Variants in RBFOX1 observed in about 807,000 individuals in gnomAD.
The protein encoded by RBFOX1 is RNA binding protein fox-1 homolog 1.
A neutral mutation model predicts 57.7 loss-of-function variants in RBFOX1; 8 were observed. The observed-to-expected ratio is 0.14, with a 90% confidence interval of 0.08 to 0.25. RBFOX1 has a LOEUF of 0.25. Among genes scored for constraint, RBFOX1 ranks in the 10% least tolerant of loss-of-function variants. The pLI, the probability that RBFOX1 is intolerant of heterozygous loss-of-function variation, is 1.00. For synonymous variants in RBFOX1, 326 were observed against 222.4 expected, an observed-to-expected ratio of 1.47 and a Z score of -4.15; for missense variants, 611 against 548.5, an observed-to-expected ratio of 1.11 and a Z score of -1.14.
chr16:7,064,341 G>T (rs989537922), intron 4 of RBFOX1, among the ~76,000 whole-genome samples: 5 of 151,854 alleles, frequency 3.3e-5, no homozygotes, highest in Non-Finnish European at 5.9e-5. Flanking sequence ...GCTAATTTTT[G>T]TATTTTTAGT....
At chr16:6,574,262 C>G (rs1045390837) in intron 2 of RBFOX1, among the ~76,000 whole-genome samples, 1 of 151,894 alleles carries the variant, frequency 6.6e-6, no homozygotes, top group Non-Finnish European at 1.5e-5. Context: ...AGGTAACACA[C>G]GTTGTTCATG....
At chr16:5,312,396 G>A (rs777599619) in intron 1 of RBFOX1, among the ~76,000 whole-genome samples, 27 of 152,160 alleles carry the variant, frequency 1.8e-4, no homozygotes, top group Non-Finnish European at 3.2e-4. Context: ...GTGGCTCACT[G>A]CCACCTCTGC....
chr16:7,384,661 A>G (rs889542493), intron 4 of RBFOX1, among the ~76,000 whole-genome samples: 1 of 152,148 alleles, frequency 6.6e-6, no homozygotes, highest in Non-Finnish European at 1.5e-5. Context: ...GAGAGAATAT[A>G]AGGTAAATAA....
chr16:7,336,625 A>G (rs2096793471), intron 4 of RBFOX1, among the ~76,000 whole-genome samples: 1 of 152,230 alleles, frequency 6.6e-6, no homozygotes. Flanking sequence ...GACTATAATG[A>G]AGTCAGAGGG....
chr16:5,589,831 G>T (rs550442411), intron 2 of RBFOX1, among the ~76,000 whole-genome samples: 2 of 152,274 alleles, frequency 1.3e-5, no homozygotes, highest in African/African-American at 4.8e-5. Context: ...GTGACCCCCA[G>T]TGCAGCTCTC....
At chr16:7,604,542 GC>G (rs1234157076) in intron 9 of RBFOX1, among the ~76,000 whole-genome samples, 2 of 152,054 alleles carry the variant, frequency 1.3e-5, no homozygotes, top group Non-Finnish European at 2.9e-5. Flanking sequence ...TGCAGACTTG[GC>G]AAACTCATAA....
chr16:7,273,301 C>T (rs561530807), intron 4 of RBFOX1, among the ~76,000 whole-genome samples: 14 of 146,258 alleles, frequency 9.6e-5, no homozygotes, highest in Admixed American at 2.1e-4. Context: ...CAGAATGTTA[C>T]GCTAAGTTTT....
chr16:7,540,878 T>G (rs182238910), intron 5 of RBFOX1, among the ~76,000 whole-genome samples: 2 of 152,306 alleles, frequency 1.3e-5, no homozygotes, highest in East Asian at 3.9e-4. Flanking sequence ...AAACTCCTCA[T>G]GTGGCCAAGG....
chr16:6,374,790 AC>A (rs1417209862), intron 2 of RBFOX1, among the ~76,000 whole-genome samples: 1 of 152,230 alleles, frequency 6.6e-6, no homozygotes, highest in Non-Finnish European at 1.5e-5. Flanking sequence ...ATTATAAAAC[AC>A]CTTCCTTTGA....
chr16:6,206,964 C>A (rs891898332), intron 1 of RBFOX1, among the ~76,000 whole-genome samples: 1 of 148,830 alleles, frequency 6.7e-6, no homozygotes, highest in African/African-American at 2.5e-5. Flanking sequence ...AGATAGTGAA[C>A]TGGAATGTGA....
intron 2 of RBFOX1, among the ~76,000 whole-genome samples, chr16:6,557,024 T>C (rs148264383): frequency 1.2e-3 from 77 of 62,800 alleles, no homozygotes; most frequent in Admixed American, 1.6e-3. Context: ...TACATATATA[T>C]ACATATATAC....
At chr16:5,477,959 C>T (rs547837740) in intron 2 of RBFOX1, among the ~76,000 whole-genome samples, 29 of 152,274 alleles carry the variant, frequency 1.9e-4, no homozygotes, top group East Asian at 7.7e-4. Flanking sequence ...GTTCTCATTA[C>T]GCATCACCGT....
intron 14 of RBFOX1, among the ~76,000 whole-genome samples, chr16:7,691,769 C>T (rs1427962021): frequency 6.6e-6 from 1 of 152,146 alleles, no homozygotes; most frequent in African/African-American, 2.4e-5. Context: ...AGCTAGCAAT[C>T]TGTTCTAGGA....
intron 3 of RBFOX1, among the ~76,000 whole-genome samples, chr16:6,979,920 G>C (rs1473519682): frequency 2.0e-5 from 3 of 152,108 alleles, no homozygotes; most frequent in Non-Finnish European, 4.4e-5. Flanking sequence ...TCAAAGAGAT[G>C]GAACTGCCAG....
intron 2 of RBFOX1, among the ~76,000 whole-genome samples, chr16:6,500,896 T>TTTTGTTTGTTTGTTTGTTTG (rs2095896466): frequency 2.1e-5 from 3 of 142,332 alleles, no homozygotes; most frequent in African/African-American, 5.2e-5. Flanking sequence ...TTTTTTTTTT[T>TTTTGTTTGTTTGTTTGTTTG]TTTTTAATGC....
At chr16:6,784,322 C>G (rs545486130) in intron 3 of RBFOX1, among the ~76,000 whole-genome samples, 200 of 152,008 alleles carry the variant, frequency 1.3e-3, no homozygotes, top group African/African-American at 4.6e-3. Context: ...CTTTTTTTCT[C>G]TACAGACTGT....
At chr16:5,587,081 A>G (rs2046857810) in intron 2 of RBFOX1, among the ~76,000 whole-genome samples, 1 of 152,162 alleles carries the variant, frequency 6.6e-6, no homozygotes, top group Non-Finnish European at 1.5e-5. Context: ...CTGAAAATGG[A>G]CATGGCCCAT....
At chr16:7,309,860 G>A (rs1220135822) in intron 4 of RBFOX1, among the ~76,000 whole-genome samples, 1 of 152,214 alleles carries the variant, frequency 6.6e-6, no homozygotes, top group South Asian at 2.1e-4. Context: ...GCTGACAGGT[G>A]TGGGTGTAAT....
At chr16:7,548,593 C>G (rs1162232766) in intron 5 of RBFOX1, among the ~76,000 whole-genome samples, 2 of 152,240 alleles carry the variant, frequency 1.3e-5, no homozygotes, top group African/African-American at 4.8e-5. Context: ...AATGCACACA[C>G]ATGCGGTTGC....
Sources: gnomAD v4.1 joint callset for allele counts (sites outside exome capture counted in the v4.1 genomes callset) on GRCh38, gnomAD v4.1.1 for gene constraint, MANE v1.5 for transcripts, NCBI Gene and HGNC (gene_info 2026-07-23, HGNC 2026-07-21) for gene names.